BACE2: variants seen among roughly 807,000 people sequenced by gnomAD.
The protein encoded by BACE2 is 56 kDa aspartic-like protease.
In BACE2, 17 loss-of-function variants were observed where a neutral mutation model predicts 46.2. The observed-to-expected ratio is 0.37, with a 90% CI of 0.25 to 0.55. BACE2 has a LOEUF of 0.55. BACE2 is among the 20% of genes least tolerant of loss of function. The pLI is 0.82. For missense variants in BACE2, 595 were observed against 698.1 expected (o/e 0.85, Z 1.66); for synonymous variants, 277 against 295.9 (o/e 0.94, Z 0.66).
At chr21:41,256,042 G>A (rs11702001) in intron 7 of BACE2, among the ~76,000 whole-genome samples, 41,486 of 151,608 alleles carry the variant, frequency 0.27, 6,909 homozygotes, top group African/African-American at 0.47. Context: ...GAAGATAATC[G>A]ACTAAGAGTC....
At position 41,275,089 on chromosome 21, in the gene BACE2, A is replaced by C. The variant is rs568460283; in HGVS notation, c.1304-282A>C. On this transcript the variant is annotated intron_variant, in intron 8 of 8. Transcript: ENST00000330333. Reference sequence around the variant, plus strand: ...CCGCAGTGTCGCTGGCATTCCATGAAGCACAGGGTGCTTCCATATGTGCCC... The same window carrying C: ...CCGCAGTGTCGCTGGCATTCCATGACGCACAGGGTGCTTCCATATGTGCCC... Among the ~76,000 whole-genome samples the C allele has an allele frequency of 5.0e-4, 76 of 152,302 alleles. 1 individual carries two copies. Among genetic ancestry groups the C allele is most frequent in the Non-Finnish European group, 8.8e-4 (60 of 68,030 alleles).
At chr21:41,265,740 A>T (rs1412582727) in intron 8 of BACE2, among the ~76,000 whole-genome samples, 2 of 152,176 alleles carry the variant, frequency 1.3e-5, no homozygotes, top group East Asian at 3.8e-4. Context: ...TTTCTGTCTC[A>T]ATTGTACATT....
chr21:41,233,638 G>A (rs376085243), intron 2 of BACE2, among the ~76,000 whole-genome samples: 2 of 152,296 alleles, frequency 1.3e-5, no homozygotes, highest in African/African-American at 4.8e-5. Context: ...GGAAGTCATA[G>A]CATTTTAGAC....
At chr21:41,250,990 C>T (rs1316961862) in intron 7 of BACE2, 89 bp downstream of exon 7, 5 of 1,225,576 alleles carry the variant, frequency 4.1e-6, no homozygotes, top group Non-Finnish European at 5.8e-6. Context: ...GTCACACCTG[C>T]ATTAGATCTC....
At chr21:41,219,803 A>G (rs1203881303) in intron 1 of BACE2, among the ~76,000 whole-genome samples, 1 of 151,826 alleles carries the variant, frequency 6.6e-6, no homozygotes, top group Admixed American at 6.6e-5. Context: ...TCACACCACA[A>G]CGATCAACAC....
At chr21:41,217,079 G>A (rs1486989171) in intron 1 of BACE2, among the ~76,000 whole-genome samples, 4 of 152,120 alleles carry the variant, frequency 2.6e-5, no homozygotes, top group African/African-American at 9.7e-5. Context: ...TTACAGGTGT[G>A]TGCCACCACG....
chr21:41,193,119 G>A lies in BACE2; in HGVS notation c.312+24544G>A, dbSNP rs147814869. Among the ~76,000 whole-genome samples, 163 of 152,262 alleles carry A rather than the reference G, an allele frequency of 1.1e-3. No homozygotes were observed. The highest frequency in any genetic ancestry group is 3.8e-3 in the African/African-American group (156 of 41,554). ...AACTAATGGACCAGTGTGATATCTC[G>A]TGGAAACGAAAAGCGATCAAGGTCT... On this transcript the variant is annotated intron_variant, in intron 1 of 8. Coordinates refer to ENST00000330333, the MANE Select transcript of BACE2 (RefSeq NM_012105.5). The surrounding 1 kb of genome is among the most constrained non-coding windows in gnomAD (Gnocchi z 4.2).
intron 2 of BACE2, among the ~76,000 whole-genome samples, chr21:41,228,174 A>G (rs1986872588): frequency 6.6e-6 from 1 of 152,212 alleles, no homozygotes; most frequent in South Asian, 2.1e-4. Flanking sequence ...CTGACGTCAT[A>G]TGGGGGGAAT....
At chr21:41,236,948 G>T (rs544211713) in intron 2 of BACE2, among the ~76,000 whole-genome samples, 16 of 152,340 alleles carry the variant, frequency 1.1e-4, no homozygotes, top group African/African-American at 2.4e-4. Context: ...TTACACCAGT[G>T]CGTCCCTTCC....
chr21:41,192,099 G>C (rs1360048114), intron 1 of BACE2, among the ~76,000 whole-genome samples: 3 of 152,248 alleles, frequency 2.0e-5, no homozygotes, highest in Non-Finnish European at 2.9e-5. Context: ...CCACTGGGAA[G>C]ATTTCCCTTC....
At chr21:41,226,980 G>T (rs1206648127) in intron 2 of BACE2, among the ~76,000 whole-genome samples, 1 of 152,206 alleles carries the variant, frequency 6.6e-6, no homozygotes, top group Non-Finnish European at 1.5e-5. Context: ...GAGGTCTCTG[G>T]AATAGAACAA....
chr21:41,237,902 A>T (rs932964079), intron 3 of BACE2, among the ~76,000 whole-genome samples, 173 bp downstream of exon 3: 1 of 152,258 alleles, frequency 6.6e-6, no homozygotes, highest in African/African-American at 2.4e-5. Context: ...TTTAAATTGA[A>T]GGTAAACAGC....
chr21:41,212,011 G>T (rs572808910), intron 1 of BACE2, among the ~76,000 whole-genome samples: 4 of 152,336 alleles, frequency 2.6e-5, no homozygotes, highest in Admixed American at 6.5e-5. Flanking sequence ...TAGCTTTCTC[G>T]ACCACTGTTT....
chr21:41,257,924 T>C (rs1987834798), intron 8 of BACE2, among the ~76,000 whole-genome samples: 2 of 152,234 alleles, frequency 1.3e-5, no homozygotes, highest in East Asian at 1.9e-4. Context: ...AGCTTGAAAA[T>C]GTCTTCAGAC....
In BACE2 at chr21:41,280,447, T is replaced by A. The variant is rs895150358; in HGVS notation, c.*4823T>A. On this transcript the variant is annotated 3_prime_UTR_variant, in exon 9 of 9. Coordinates refer to ENST00000330333, the MANE Select transcript of BACE2 (RefSeq NM_012105.5). ...CCCTCCTGTCTCACTGCTGTCAGCG[T>A]GGGAGCCCTGCTCCCCAGGCTCCAC... 6.6e-6 allele frequency: 1 copy of A among 152,356 alleles called. No homozygotes were observed. The highest frequency in any genetic ancestry group is 2.4e-5 in the African/African-American group (1 of 41,470). The allele number at this position is 152,356 out of a possible 1,614,324, so 9.4% of individuals were successfully genotyped here.
chr21:41,277,095 G>A lies in BACE2; in HGVS notation c.*1471G>A, dbSNP rs2088498254. 6.6e-6 allele frequency: 1 copy of A among 151,782 alleles called. No individual in the cohort carries two copies. The highest frequency in any genetic ancestry group is 2.1e-4 in the South Asian group (1 of 4,824). 9.4% of individuals were successfully genotyped at this position (151,782 alleles called of 1,614,324 possible). On this transcript the variant is annotated 3_prime_UTR_variant, in exon 9 of 9. Coordinates refer to ENST00000330333, the MANE Select transcript of BACE2 (RefSeq NM_012105.5). The stretch of plus-strand genomic sequence containing the variant: ...GTTCCCTTTGCATTTTTTTGGGGTG[G>A]GTTGGCTATATTACAGAATTCCACC...
At chr21:41,261,868 A>G (rs747300432) in intron 8 of BACE2, among the ~76,000 whole-genome samples, 6 of 152,148 alleles carry the variant, frequency 3.9e-5, no homozygotes, top group Non-Finnish European at 8.8e-5. Flanking sequence ...CTGCATGTCA[A>G]CCATCTAGAT....
intron 1 of BACE2, among the ~76,000 whole-genome samples, chr21:41,192,533 T>G (rs1020550316): frequency 2.0e-5 from 3 of 152,178 alleles, no homozygotes; most frequent in Non-Finnish European, 2.9e-5. Flanking sequence ...CCAAGAGCTC[T>G]CTCTCAGAAG....
chr21:41,244,893 A>ATG lies in BACE2; in HGVS notation c.883-1055_883-1054dup, dbSNP rs58052575. 9.1e-3 allele frequency among the ~76,000 whole-genome samples: 1,321 copies of ATG among 144,798 alleles called. 27 individuals carry two copies. Among genetic ancestry groups the ATG allele is most frequent in the African/African-American group, 0.029 (1,171 of 39,700 alleles). The allele number at this position is 144,798 out of a possible 152,430, so 95.0% of individuals were successfully genotyped here. A position where few individuals can be genotyped will look rare whatever the true frequency, so the allele number is the denominator to read the frequency against. ...TGTGTGTGTGTGTGAGTGTGTGTGT[A>ATG]TGTGTGTGTGTGTGTATTAGAGAGG... On this transcript the variant is annotated intron_variant, in intron 5 of 8. Coordinates refer to ENST00000330333, the MANE Select transcript of BACE2 (RefSeq NM_012105.5).
Sources: gnomAD v4.1 joint callset for allele counts (sites outside exome capture counted in the v4.1 genomes callset) on GRCh38, gnomAD v4.1.1 for gene constraint, Gnocchi (gnomAD v3.1) non-coding constraint, MANE v1.5 for transcripts, NCBI Gene and HGNC (gene_info 2026-07-23, HGNC 2026-07-21) for gene names.